Variants in HMGCLL1 observed in about 807,000 individuals in gnomAD.
HMGCLL1 encodes 3-hydroxymethyl-3-methylglutaryl-CoA lyase, cytoplasmic.
Under a neutral mutation model 39.1 loss-of-function variants are expected in HMGCLL1, and 36 were observed. That is an observed-to-expected ratio of 0.92 (90% CI 0.71 to 1.22). HMGCLL1 has a LOEUF of 1.22. Ranked by LOEUF, HMGCLL1 falls within the 50% of genes most tolerant of loss-of-function variation. The pLI is 0.00. For missense variants in HMGCLL1, 451 were observed against 416.5 expected (o/e 1.08, Z -0.72); for synonymous variants, 149 against 144.0 (o/e 1.03, Z -0.25).
chr6:55,503,670 G>C (rs964123355), intron 5 of HMGCLL1, among the ~76,000 whole-genome samples: 7 of 151,610 alleles, frequency 4.6e-5, no homozygotes, highest in African/African-American at 1.7e-4. Context: ...CATTCACATA[G>C]CATATTTAGT....
chr6:55,483,767 T>C (rs941461729), intron 7 of HMGCLL1, among the ~76,000 whole-genome samples: 1 of 152,244 alleles, frequency 6.6e-6, no homozygotes, highest in Non-Finnish European at 1.5e-5. Context: ...CTTGCTAAGC[T>C]ACAATTATGT....
At chr6:55,471,207 C>T (rs1296880028) in intron 7 of HMGCLL1, among the ~76,000 whole-genome samples, 1 of 151,718 alleles carries the variant, frequency 6.6e-6, no homozygotes, top group Non-Finnish European at 1.5e-5. Context: ...TTGCTTTATC[C>T]ACCCATTACT....
chr6:55,437,428 T>G (rs1763415938), intron 8 of HMGCLL1, among the ~76,000 whole-genome samples: 1 of 150,872 alleles, frequency 6.6e-6, no homozygotes, highest in African/African-American at 2.4e-5. Flanking sequence ...GAAAAAAAAA[T>G]GCAGAAAGGA....
rs147638490 is a variant in HMGCLL1, at chr6:55,463,017, T to A, written c.796-23458A>T. 3.7e-3 allele frequency among the ~76,000 whole-genome samples: 521 copies of A among 140,274 alleles called. 6 individuals carry two copies. The highest frequency in any genetic ancestry group is 0.013 in the African/African-American group (485 of 35,938). The allele number at this position is 140,274 out of a possible 152,430, so 92.0% of individuals were successfully genotyped here. A position where few individuals can be genotyped will look rare whatever the true frequency, so the allele number is the denominator to read the frequency against. On this transcript the variant is annotated intron_variant, in intron 7 of 8. Coordinates refer to ENST00000274901, the MANE Select transcript of HMGCLL1 (RefSeq NM_001042406.2). ...GCTTTTGGTGTTGAGTCCAATCTTT[T>A]CTTTTTTCTTTCTTTTTTTTTTTTT...
intron 3 of HMGCLL1, among the ~76,000 whole-genome samples, chr6:55,518,976 G>T (rs527910756): frequency 6.6e-6 from 1 of 152,120 alleles, no homozygotes; most frequent in African/African-American, 2.4e-5. Context: ...AACCAATAGG[G>T]TTGGAAAAGA....
At chr6:55,590,824 C>T in the HMGCLL1 span, among the ~76,000 whole-genome samples, 2 of 152,002 alleles carry the variant, frequency 1.3e-5, no homozygotes, top group African/African-American at 4.8e-5. Flanking sequence ...TAAAGTGTGT[C>T]ATGCCAGTTC....
Position 55,435,689 on chromosome 6 carries a change from TTTAGAGTTTG to T in HMGCLL1, c.986_995del (p.Thr329LysfsTer2). On this transcript the variant is annotated frameshift_variant, in exon 9 of 9. Transcript: ENST00000274901. LOFTEE classifies it high-confidence loss of function. ...AAGCATTGAAGGAGGCTTGTGCTAC[TTTAGAGTTTG>T]TGGTTTTATTCACAGCTTTGCAAAT... 2 of 1,605,078 alleles carry T rather than the reference TTTAGAGTTTG, an allele frequency of 1.2e-6. No homozygotes were observed. Among genetic ancestry groups the T allele is most frequent in the Non-Finnish European group, 1.7e-6 (2 of 1,174,002 alleles).
chr6:55,667,003 G>A, the HMGCLL1 span, among the ~76,000 whole-genome samples: 1 of 151,194 alleles, frequency 6.6e-6, no homozygotes, highest in South Asian at 2.1e-4. Context: ...TAAAACTCAT[G>A]AGTTTCCATT....
the HMGCLL1 span, among the ~76,000 whole-genome samples, chr6:55,653,147 A>T: frequency 2.0e-4 from 30 of 152,068 alleles, no homozygotes; most frequent in South Asian, 4.1e-4. Flanking sequence ...CATATTAAAG[A>T]AACAAAAAAC....
chr6:55,479,519 T>C (rs1485106786), intron 7 of HMGCLL1, among the ~76,000 whole-genome samples: 1 of 151,608 alleles, frequency 6.6e-6, no homozygotes, highest in Non-Finnish European at 1.5e-5. Context: ...CTTGCCACTC[T>C]CATCCTACCT....
Position 55,439,470 on chromosome 6 carries a change from A to C in HMGCLL1, c.885T>G (p.Asp295Glu). The C allele has an allele frequency of 6.2e-7, 1 of 1,612,834 alleles. No homozygotes were observed. ...KGASGNVATEDLIYMLNGLGL... is the reference protein window; with the variant it reads ...KGASGNVATEELIYMLNGLGL... ...CCAGGCCATTAAGCATATATATCAA[A>C]TCCTCAGTGGCTACATTCCCAGAAG... Residue 295 changes from aspartate to glutamate, a missense_variant, in exon 8 of 9, where the codon GAT becomes GAG. Physicochemically the swap from Asp to Glu is conservative, Grantham distance 45. Coordinates refer to ENST00000274901, the MANE Select transcript of HMGCLL1 (RefSeq NM_001042406.2).
intron 1 of HMGCLL1, 115 bp from the exon 2 acceptor site, chr6:55,542,255 C>A: frequency 1.7e-6 from 1 of 572,320 alleles, no homozygotes; most frequent in South Asian, 2.8e-5. Flanking sequence ...AATTAAAATA[C>A]TGAAAAATCA....
At chr6:55,527,747 G>GA (rs1172658793) in intron 3 of HMGCLL1, among the ~76,000 whole-genome samples, 1 of 151,800 alleles carries the variant, frequency 6.6e-6, no homozygotes, top group Non-Finnish European at 1.5e-5. Flanking sequence ...TGACAAAAAA[G>GA]AAAAAAGTTT....
At chr6:55,441,096 T>C (rs1443371195) in intron 7 of HMGCLL1, among the ~76,000 whole-genome samples, 1 of 151,976 alleles carries the variant, frequency 6.6e-6, no homozygotes, top group Non-Finnish European at 1.5e-5. Context: ...AGAGAGACTG[T>C]GCTGAAATCC....
At chr6:55,477,768 AC>A (rs1233268833) in intron 7 of HMGCLL1, among the ~76,000 whole-genome samples, 19 of 149,860 alleles carry the variant, frequency 1.3e-4, no homozygotes, top group African/African-American at 4.5e-4. Flanking sequence ...AACAAAACAA[AC>A]TTTTCTGTGA....
intron 6 of HMGCLL1, 100 bp from the exon 7 acceptor site, chr6:55,495,707 A>G: frequency 1.4e-6 from 1 of 709,594 alleles, no homozygotes; most frequent in Non-Finnish European, 2.2e-6. Context: ...AATTACAACT[A>G]ATACCAGTAA....
the HMGCLL1 span, among the ~76,000 whole-genome samples, chr6:55,653,658 C>T: frequency 3.3e-5 from 5 of 152,032 alleles, no homozygotes; most frequent in East Asian, 9.8e-4. Context: ...TACCTTGCTT[C>T]CCATCTCAGC....
At chr6:55,559,729 C>T (rs1439860948) in intron 1 of HMGCLL1, among the ~76,000 whole-genome samples, 2 of 152,104 alleles carry the variant, frequency 1.3e-5, no homozygotes, top group Admixed American at 6.6e-5. Context: ...GAGATTGAAT[C>T]TTATGCTTGC....
At chr6:55,592,874 A>G in the HMGCLL1 span, among the ~76,000 whole-genome samples, 4 of 152,232 alleles carry the variant, frequency 2.6e-5, no homozygotes, top group East Asian at 5.8e-4. Context: ...AGTAAGTAAG[A>G]GAGCCAGAAT....
Sources: gnomAD v4.1 joint callset for allele counts (sites outside exome capture counted in the v4.1 genomes callset) on GRCh38, gnomAD v4.1.1 for gene constraint, MANE v1.5 for transcripts, NCBI Gene and HGNC (gene_info 2026-07-23, HGNC 2026-07-21) for gene names.